The following DNAH10 variants were observed in gnomAD, a reference collection of about 807,000 sequenced individuals.
DNAH10 encodes the protein axonemal beta dynein heavy chain 10.
Under a neutral mutation model 506.6 loss-of-function variants are expected in DNAH10, and 348 were observed. The observed-to-expected ratio is 0.69, with a 90% confidence interval of 0.63 to 0.75. The LOEUF (loss-of-function observed/expected upper bound fraction) is 0.75. DNAH10 is among the 30% of genes least tolerant of loss of function. The pLI is 0.00. For synonymous variants in DNAH10, 2,059 were observed against 2,198.6 expected (o/e 0.94, Z 1.78); for missense variants, 5,179 against 5,787.1 (o/e 0.89, Z 3.41).
chr12:123,875,156 G>C (rs140889039), intron 46 of DNAH10, 75 bp from the exon 47 acceptor site: 1 of 1,502,456 alleles, frequency 6.7e-7, no homozygotes, highest in Non-Finnish European at 8.9e-7. Flanking sequence ...CTTGAGCTGG[G>C]ATGGTCAGCC....
rs1950946765 is a variant in DNAH10, at chr12:123,846,232, T to C, written c.5814+78T>C. On this transcript the variant is annotated intron_variant, in intron 32 of 78. Coordinates refer to ENST00000673944, the MANE Select transcript of DNAH10 (RefSeq NM_001372106.1). This position sits in a 1 kb window ranked among gnomAD's most constrained non-coding sequence, Gnocchi z 4.5. ...TTCTCTAAGCTTGAGGTGTGATGAC[T>C]GCAGTGATTGAAATAGCAGGGGAGA... The C allele has an allele frequency of 1.4e-6, 2 of 1,473,110 alleles. No homozygotes were observed. Among genetic ancestry groups the C allele is most frequent in the Admixed American group, 2.2e-5 (1 of 44,776 alleles). 91.3% of individuals were successfully genotyped at this position (1,473,110 alleles called of 1,614,324 possible). A position where few individuals can be genotyped will look rare whatever the true frequency, so the allele number is the denominator to read the frequency against.
intron 42 of DNAH10, 102 bp from the exon 43 acceptor site, chr12:123,867,801 G>A (rs1439695664): frequency 6.7e-6 from 9 of 1,352,880 alleles, no homozygotes; most frequent in Non-Finnish European, 9.2e-6. Context: ...TGGGTCTTAT[G>A]CTCCCATCGC....
intron 48 of DNAH10, among the ~76,000 whole-genome samples, chr12:123,878,203 C>A (rs1952346172): frequency 6.6e-6 from 1 of 152,158 alleles, no homozygotes; most frequent in Admixed American, 6.5e-5. Context: ...TTGGAATTTG[C>A]CTGCATGGAG....
At chr12:123,840,295 T>G (rs1950722712) in intron 29 of DNAH10, among the ~76,000 whole-genome samples, 1 of 152,052 alleles carries the variant, frequency 6.6e-6, no homozygotes, top group Non-Finnish European at 1.5e-5. Context: ...TTACTTTCCC[T>G]TTAATCAATG....
chr12:123,805,813 G>T (rs1260392954), intron 18 of DNAH10, among the ~76,000 whole-genome samples: 4 of 133,242 alleles, frequency 3.0e-5, no homozygotes, highest in Admixed American at 2.6e-4. Context: ...GTCTCGCTCT[G>T]TCGCCCAGGT....
rs545820983 is a variant in DNAH10, at chr12:123,833,126, A to G, written c.4558A>G (p.Ile1520Val). ...TATTCCTGAACAGGCTGTGAAGGAAATCCTAGACACGTGGGAAAATATGAA... is the reference window on the plus strand; with the variant it reads ...TATTCCTGAACAGGCTGTGAAGGAAGTCCTAGACACGTGGGAAAATATGAA... ...EVAIEKAVKEILDTWENMKFT... is the reference protein window; with the variant it reads ...EVAIEKAVKEVLDTWENMKFT... The change falls in exon 27 of 79, where the codon ATC becomes GTC. Residue 1520 changes from isoleucine (I) to valine (V), a missense_variant. This residue lies in a region of DNAH10 where 4,844 missense variants were observed against 5,430.5 expected (regional missense o/e 0.89). Transcript: ENST00000673944. 1.2e-6 allele frequency: 2 copies of G among 1,610,462 alleles called. No homozygotes were observed. Among genetic ancestry groups the G allele is most frequent in the South Asian group, 2.2e-5 (2 of 90,002 alleles).
At chr12:123,848,164 C>T (rs1490107519) in intron 33 of DNAH10, 69 bp downstream of exon 33, 2 of 1,549,634 alleles carry the variant, frequency 1.3e-6, no homozygotes, top group Non-Finnish European at 1.7e-6. Flanking sequence ...CATGGCATTT[C>T]ACCTCCTAGT....
At chr12:123,837,744 TA>T (rs1172745174) in intron 28 of DNAH10, among the ~76,000 whole-genome samples, 79 of 144,610 alleles carry the variant, frequency 5.5e-4, no homozygotes, top group African/African-American at 8.9e-4. Flanking sequence ...CCGGCTAACT[TA>T]AAAAAAAAAA....
intron 13 of DNAH10, among the ~76,000 whole-genome samples, chr12:123,797,727 G>A (rs1218122099): frequency 6.6e-6 from 1 of 152,198 alleles, no homozygotes; most frequent in East Asian, 1.9e-4. Flanking sequence ...TCTTAATACA[G>A]AAGACATCTT....
In DNAH10 at chr12:123,934,678, G is replaced by A; in HGVS notation, c.13535G>A (p.Cys4512Tyr). 6.2e-7 allele frequency: 1 copy of A among 1,613,742 alleles called. No individual in the cohort carries two copies. The highest frequency in any genetic ancestry group is 8.5e-7 in the Non-Finnish European group (1 of 1,179,786). The change falls in exon 78 of 79, where the codon TGT (cysteine) becomes TAT (tyrosine). Residue 4512 changes from cysteine to tyrosine, a missense_variant. By Grantham distance (194) the Cys-to-Tyr change is radical. Around this residue, in one of 3 missense-constraint regions of DNAH10, gnomAD observed 4,844 missense variants for 5,430.5 expected, o/e 0.89. Transcript: ENST00000673944. Reference sequence around the variant, plus strand: ...GCTGACTGGGATATAGAAAAAGGATGTCTTATCAAGAGCAAACCCAAGGTG... The same window carrying A: ...GCTGACTGGGATATAGAAAAAGGATATCTTATCAAGAGCAAACCCAAGGTG... ...EGADWDIEKG[C>Y]LIKSKPKVLV...
chr12:123,861,255 T>G, intron 39 of DNAH10, 85 bp downstream of exon 39: 5 of 1,467,140 alleles, frequency 3.4e-6, no homozygotes, highest in Non-Finnish European at 3.7e-6. Flanking sequence ...GACTATACAT[T>G]GTAGCTTCAT....
At chr12:123,860,949 C>A in intron 38 of DNAH10, 63 bp from the exon 39 acceptor site, 1 of 1,608,818 alleles carries the variant, frequency 6.2e-7, no homozygotes, top group Non-Finnish European at 8.5e-7. Flanking sequence ...TAGAGGGAAC[C>A]CAGACTGTTT....
intron 54 of DNAH10, among the ~76,000 whole-genome samples, chr12:123,896,111 TCACACACACACACA>T (rs112187635): frequency 2.3e-3 from 112 of 48,956 alleles, no homozygotes; most frequent in African/African-American, 5.5e-3. Flanking sequence ...AGACTTTATC[TCACACACACACACA>T]CACACACACA....
rs184359588 is a variant in DNAH10, at chr12:123,930,546, G to A, written c.12757G>A (p.Val4253Ile). 2.5e-6 allele frequency: 4 copies of A among 1,602,314 alleles called. No homozygotes were observed. In the African/African-American group the frequency reaches 5.4e-5, roughly 22 times the overall value. ...CAAGGAAGTGGACTACAAAATCCCTGTTGGTGATGAAAAGGAGAAATTTGT... is the reference window on the plus strand; with the variant it reads ...CAAGGAAGTGGACTACAAAATCCCTATTGGTGATGAAAAGGAGAAATTTGT... ...RNKEVDYKIP[V>I]GDEKEKFVEA... Residue 4253 changes from valine (V) to isoleucine (I), a missense_variant, in exon 73 of 79, where the codon GTT becomes ATT. Physicochemically the swap from Val to Ile is conservative, Grantham distance 29. This residue lies in a region of DNAH10 where 4,844 missense variants were observed against 5,430.5 expected (regional missense o/e 0.89). Coordinates refer to ENST00000673944, the MANE Select transcript of DNAH10 (RefSeq NM_001372106.1).
At chr12:123,897,698 C>G (rs1486616085) in intron 54 of DNAH10, 72 bp from the exon 55 acceptor site, 1 of 1,528,258 alleles carries the variant, frequency 6.5e-7, no homozygotes, top group Non-Finnish European at 8.8e-7. Flanking sequence ...GCACTCCAGC[C>G]TGGGCAACAG....
At position 123,887,163 on chromosome 12, in the gene DNAH10, C is replaced by T. The variant is rs757933924; in HGVS notation, c.8845C>T (p.Arg2949Ter). The T allele has an allele frequency of 5.0e-6, 8 of 1,609,920 alleles. No homozygotes were observed. The highest frequency in any genetic ancestry group is 1.7e-5 in the Admixed American group (1 of 59,486). Residue 2949 changes from arginine (R) to a stop codon, truncating the protein, a stop_gained, in exon 52 of 79, where the codon CGA becomes TGA. Coordinates refer to ENST00000673944, the MANE Select transcript of DNAH10 (RefSeq NM_001372106.1). LOFTEE classifies it high-confidence loss of function. Reference sequence around the variant, plus strand: ...GCAGGTGTTTGAGATCCTGCTGAGCCGAGGCTACTCGGAGAACAGTTTCCG... The same window carrying T: ...GCAGGTGTTTGAGATCCTGCTGAGCTGAGGCTACTCGGAGAACAGTTTCCG... Reference protein sequence around the residue: ...SCEVFEILLSRGYSENSFRED... With the variant: ...SCEVFEILLS
At chr12:123,857,584 C>T (rs771422806) in intron 37 of DNAH10, among the ~76,000 whole-genome samples, 6 of 152,080 alleles carry the variant, frequency 3.9e-5, no homozygotes, top group Admixed American at 1.3e-4. Context: ...AAAAATTAGC[C>T]GGGCGTGGTG....
intron 77 of DNAH10, 110 bp downstream of exon 77, chr12:123,933,621 T>C: frequency 2.3e-6 from 3 of 1,287,920 alleles, no homozygotes; most frequent in Non-Finnish European, 2.1e-6. Flanking sequence ...GGCCAGGCCA[T>C]GTTTGAAAGC....
intron 21 of DNAH10, among the ~76,000 whole-genome samples, chr12:123,815,416 C>T (rs1164597888): frequency 6.6e-6 from 1 of 151,366 alleles, no homozygotes; most frequent in Non-Finnish European, 1.5e-5. Context: ...ATCATTTATC[C>T]ACAGATTATT....
Sources: gnomAD v4.1 joint callset for allele counts (sites outside exome capture counted in the v4.1 genomes callset) on GRCh38, gnomAD v4.1.1 for gene constraint, gnomAD v4.1.1 regional missense constraint, Gnocchi (gnomAD v3.1) non-coding constraint, MANE v1.5 for transcripts, NCBI Gene and HGNC (gene_info 2026-07-23, HGNC 2026-07-21) for gene names.